Variants in PCCA observed in about 807,000 individuals in gnomAD.
The protein encoded by PCCA is propionyl-CoA carboxylase alpha chain, mitochondrial.
PCCA carries 74 observed loss-of-function variants against 101.3 expected under a neutral mutation model. The ratio of observed to expected loss-of-function variants is 0.73; its 90% CI spans 0.61 to 0.89. PCCA has a LOEUF of 0.89. Among genes scored for constraint, PCCA ranks in the 40% least tolerant of loss-of-function variants. The pLI, the probability that PCCA is intolerant of heterozygous loss-of-function variation, is 0.00. For synonymous variants in PCCA, 294 were observed against 313.6 expected, an observed-to-expected ratio of 0.94 and a Z score of 0.66; for missense variants, 891 against 907.0, an observed-to-expected ratio of 0.98 and a Z score of 0.23.
intron 8 of PCCA, among the ~76,000 whole-genome samples, chr13:100,257,048 G>A (rs181419018): frequency 7.2e-5 from 11 of 152,158 alleles, no homozygotes; most frequent in Non-Finnish European, 1.5e-4. Context: ...GTGAGCCCTG[G>A]AGCTTCTGCT....
chr13:100,376,225 C>T (rs1213361733), intron 19 of PCCA, among the ~76,000 whole-genome samples: 2 of 152,188 alleles, frequency 1.3e-5, no homozygotes, highest in Admixed American at 6.5e-5. Flanking sequence ...CTGAAAGCTT[C>T]GTCCCAGAGG....
chr13:100,249,243 T>A (rs1431578990), intron 8 of PCCA, among the ~76,000 whole-genome samples: 1 of 152,244 alleles, frequency 6.6e-6, no homozygotes, highest in Non-Finnish European at 1.5e-5. Context: ...TATATTTAGG[T>A]CTGAGATCCA....
intron 4 of PCCA, among the ~76,000 whole-genome samples, chr13:100,147,482 G>C (rs1489252502): frequency 1.3e-5 from 2 of 152,120 alleles, no homozygotes; most frequent in Non-Finnish European, 2.9e-5. Context: ...GGCATTAGCT[G>C]TTCATATGGT....
intron 1 of PCCA, 39 bp from the exon 2 acceptor site, chr13:100,102,844 C>A: frequency 7.4e-7 from 1 of 1,346,160 alleles, no homozygotes; most frequent in Non-Finnish European, 1.1e-6. Flanking sequence ...TAAAGCCCAT[C>A]AAGTATTTGC....
chr13:100,312,150 A>G (rs16957280), intron 16 of PCCA, among the ~76,000 whole-genome samples: 25,777 of 152,210 alleles, frequency 0.17, 3,423 homozygotes, highest in African/African-American at 0.37. Context: ...AAGTGATACT[A>G]TCCCTGATTT....
intron 2 of PCCA, among the ~76,000 whole-genome samples, chr13:100,105,657 C>CA (rs34277733): frequency 0.087 from 6,592 of 75,752 alleles, 226 homozygotes; most frequent in East Asian, 0.13. Flanking sequence ...CTGTCTCTAC[C>CA]AAAAAAAAAA....
Position 100,501,873 on chromosome 13 carries a change from C to CAATAAATAAATA in PCCA, c.1900-13535_1900-13524dup, listed in dbSNP as rs369191551. On this transcript the variant is annotated intron_variant, in intron 21 of 23. Coordinates refer to ENST00000376285, the MANE Select transcript of PCCA (RefSeq NM_000282.4). ...TGGGCAACAGAGGGACACTCCTTCTCAATAAATAAATAAATAAATAAATAA... is the reference window on the plus strand; with the variant it reads ...TGGGCAACAGAGGGACACTCCTTCTCAATAAATAAATAAATAAATAAATAAATAAATAAATAA... Among the ~76,000 whole-genome samples, 690 of 150,282 alleles carry CAATAAATAAATA rather than the reference C, an allele frequency of 4.6e-3. 5 individuals are homozygous for CAATAAATAAATA. Among genetic ancestry groups the CAATAAATAAATA allele is most frequent in the African/African-American group, 0.016 (665 of 40,604 alleles).
At chr13:100,242,887 ATTT>A (rs1648221918) in intron 8 of PCCA, among the ~76,000 whole-genome samples, 1 of 152,014 alleles carries the variant, frequency 6.6e-6, no homozygotes, top group Admixed American at 6.6e-5. Context: ...TTATAGTAAA[ATTT>A]TTGTTGTGGT....
intron 6 of PCCA, among the ~76,000 whole-genome samples, chr13:100,158,433 A>G (rs1442502243): frequency 6.6e-6 from 1 of 152,132 alleles, no homozygotes. Flanking sequence ...TATTTGAACC[A>G]CCTTGCTTTG....
chr13:100,425,712 G>A lies in PCCA; in HGVS notation c.1826G>A (p.Gly609Asp), dbSNP rs780724867. ...CCCTTATTGTCTGTCAGCGTTGATG[G>A]CACTCAGAGGACTGTCCAGGTGAGT... ...ASPLLSVSVD[G>D]TQRTVQCLSR... The change falls in exon 20 of 24, where the codon GGC becomes GAC. Residue 609 changes from glycine (G) to aspartate (D), a missense_variant. Coordinates refer to ENST00000376285, the MANE Select transcript of PCCA (RefSeq NM_000282.4). 5 of 1,612,316 alleles carry A rather than the reference G, an allele frequency of 3.1e-6. No individual in the cohort carries two copies. In the African/African-American group the frequency reaches 6.7e-5, roughly 22 times the overall value.
chr13:100,494,201 T>A (rs2085109096), intron 21 of PCCA, among the ~76,000 whole-genome samples: 1 of 151,880 alleles, frequency 6.6e-6, no homozygotes, highest in South Asian at 2.1e-4. Context: ...AATAAATAAA[T>A]AAATAAATAA....
intron 18 of PCCA, among the ~76,000 whole-genome samples, chr13:100,347,271 G>T (rs2152767334): frequency 6.6e-6 from 1 of 152,234 alleles, no homozygotes. Flanking sequence ...TATACACATT[G>T]GAAAAGTAAC....
At chr13:100,308,525 C>T (rs768745285) in intron 15 of PCCA, among the ~76,000 whole-genome samples, 1 of 151,742 alleles carries the variant, frequency 6.6e-6, no homozygotes, top group Non-Finnish European at 1.5e-5. Context: ...GGGGCTTCCT[C>T]ATGTTACCCA....
At chr13:100,385,391 G>T (rs2152833729) in intron 19 of PCCA, among the ~76,000 whole-genome samples, 1 of 152,128 alleles carries the variant, frequency 6.6e-6, no homozygotes, top group Non-Finnish European at 1.5e-5. Context: ...ACAAAATAAG[G>T]GATGCCCTTC....
intron 19 of PCCA, among the ~76,000 whole-genome samples, chr13:100,370,210 G>A (rs916214925): frequency 5.5e-5 from 8 of 146,162 alleles, no homozygotes; most frequent in South Asian, 2.2e-4. Flanking sequence ...TCAGCCTCCC[G>A]AGTAGCTGGG....
intron 19 of PCCA, among the ~76,000 whole-genome samples, chr13:100,405,964 A>T (rs2077652618): frequency 6.6e-6 from 1 of 151,854 alleles, no homozygotes; most frequent in South Asian, 2.1e-4. Flanking sequence ...ACAAGATTTC[A>T]CCATGTTGGC....
chr13:100,353,812 G>T (rs543551164), intron 18 of PCCA, among the ~76,000 whole-genome samples: 10 of 151,976 alleles, frequency 6.6e-5, no homozygotes, highest in Non-Finnish European at 1.5e-5. Flanking sequence ...AATATGCTGC[G>T]CATGGTGGCA....
chr13:100,303,424 A>T (rs2066216353), intron 14 of PCCA, among the ~76,000 whole-genome samples: 1 of 152,204 alleles, frequency 6.6e-6, no homozygotes, highest in Admixed American at 6.5e-5. Flanking sequence ...GAATTAAGGC[A>T]AACAAAGTGT....
intron 20 of PCCA, among the ~76,000 whole-genome samples, chr13:100,435,895 T>C (rs1162939210): frequency 2.0e-5 from 3 of 151,886 alleles, no homozygotes; most frequent in Non-Finnish European, 4.4e-5. Context: ...AATACAAAAT[T>C]AGCCTAGTGT....
Sources: gnomAD v4.1 joint callset for allele counts (sites outside exome capture counted in the v4.1 genomes callset) on GRCh38, gnomAD v4.1.1 for gene constraint, MANE v1.5 for transcripts, NCBI Gene and HGNC (gene_info 2026-07-23, HGNC 2026-07-21) for gene names.